The following DYM variants were observed in gnomAD, a reference collection of about 807,000 sequenced individuals.
The protein encoded by DYM is dymeclin, also known as dyggve-Melchior-Clausen syndrome protein.
In DYM, 78 loss-of-function variants were observed where a neutral mutation model predicts 93.1. The observed-to-expected ratio is 0.84, with a 90% CI of 0.70 to 1.01. The LOEUF (loss-of-function observed/expected upper bound fraction) is 1.01, where lower values mean the gene tolerates loss of function less well. Among genes scored for constraint, DYM ranks in the 50% least tolerant of loss-of-function variants. DYM has a pLI of 0.00. For missense variants in DYM, 789 were observed against 845.0 expected, an observed-to-expected ratio of 0.93 and a Z score of 0.82; for synonymous variants, 321 against 319.7, an observed-to-expected ratio of 1.00 and a Z score of -0.04.
At chr18:49,097,841 C>T (rs1269720482) in intron 16 of DYM, among the ~76,000 whole-genome samples, 3 of 150,536 alleles carry the variant, frequency 2.0e-5, no homozygotes, top group Non-Finnish European at 3.0e-5. Context: ...AAAGCTAAAC[C>T]CTAAAGCCTA....
chr18:49,350,267 A>C (rs1189182136), intron 6 of DYM, among the ~76,000 whole-genome samples: 1 of 152,220 alleles, frequency 6.6e-6, no homozygotes, highest in Admixed American at 6.5e-5. Context: ...TTCATAAGAT[A>C]CTGATTAAAT....
intron 2 of DYM, among the ~76,000 whole-genome samples, chr18:49,394,921 T>C (rs2069855540): frequency 6.6e-6 from 1 of 152,190 alleles, no homozygotes; most frequent in Non-Finnish European, 1.5e-5. Flanking sequence ...CAAATGGTAC[T>C]GTGTAAACTG....
At chr18:49,056,662 C>T (rs2075509518) in intron 17 of DYM, among the ~76,000 whole-genome samples, 2 of 151,998 alleles carry the variant, frequency 1.3e-5, no homozygotes, top group African/African-American at 2.4e-5. Flanking sequence ...TTTAGACTCC[C>T]TAGTAGCAGG....
intron 1 of DYM, among the ~76,000 whole-genome samples, chr18:49,455,868 G>C (rs2082937589): frequency 6.6e-6 from 1 of 151,714 alleles, no homozygotes; most frequent in Non-Finnish European, 1.5e-5. Flanking sequence ...AGAATCACTT[G>C]AACCTGGGAG....
chr18:49,043,513 CCT>C lies in DYM; in HGVS notation c.*540_*541del, dbSNP rs2071083948. On this transcript the variant is annotated 3_prime_UTR_variant, in exon 18 of 18. Coordinates refer to ENST00000675505, the MANE Select transcript of DYM (RefSeq NM_001353214.3). ...GCATGGTGTTTATGAAATTGTGTGCCCTCTGACAGGCAACCAAACACACACGA... is the reference window on the plus strand; with the variant it reads ...GCATGGTGTTTATGAAATTGTGTGCCCTGACAGGCAACCAAACACACACGA... 6.5e-6 allele frequency: 1 copy of C among 154,046 alleles called. No homozygotes were observed. The highest frequency in any genetic ancestry group is 2.4e-5 in the African/African-American group (1 of 41,398). 9.5% of individuals were successfully genotyped at this position (154,046 alleles called of 1,614,324 possible). A position where few individuals can be genotyped will look rare whatever the true frequency, so the allele number is the denominator to read the frequency against.
At chr18:49,406,965 T>C (rs949372317) in intron 2 of DYM, among the ~76,000 whole-genome samples, 23 of 152,222 alleles carry the variant, frequency 1.5e-4, no homozygotes, top group Non-Finnish European at 2.4e-4. Context: ...TGAGTGACTG[T>C]CTAAACAAAC....
At chr18:49,338,517 A>G (rs1315024686) in intron 6 of DYM, among the ~76,000 whole-genome samples, 1 of 152,236 alleles carries the variant, frequency 6.6e-6, no homozygotes, top group East Asian at 1.9e-4. Context: ...AAGCCACTCT[A>G]TACAGCTGTA....
Position 49,420,842 on chromosome 18 carries a change from A to C in DYM, c.140+9413T>G, listed in dbSNP as rs117891812. Reference sequence around the variant, plus strand: ...ACTGCCCTTTTCCAACAATCTTAGCAAACGGCACATCAGGAGATTATATCC... The same window carrying C: ...ACTGCCCTTTTCCAACAATCTTAGCCAACGGCACATCAGGAGATTATATCC... On this transcript the variant is annotated intron_variant, in intron 2 of 17. Transcript: ENST00000675505. Among the ~76,000 whole-genome samples, 615 of 152,224 alleles carry C rather than the reference A, an allele frequency of 4.0e-3. 38 individuals carry two copies. The East Asian group carries it at 0.1, about 25-fold the overall frequency.
chr18:49,318,599 T>A (rs1008482477), intron 8 of DYM, among the ~76,000 whole-genome samples: 12 of 150,634 alleles, frequency 8.0e-5, no homozygotes, highest in Non-Finnish European at 1.5e-4. Context: ...TCCAGCCTGG[T>A]GACACAGCAA....
chr18:49,064,645 C>A (rs2076248401), intron 17 of DYM, among the ~76,000 whole-genome samples: 1 of 152,090 alleles, frequency 6.6e-6, no homozygotes, highest in African/African-American at 2.4e-5. Context: ...AGCCTTTGCA[C>A]TTATATGTGG....
intron 16 of DYM, among the ~76,000 whole-genome samples, chr18:49,104,983 A>G (rs373891554): frequency 6.6e-6 from 1 of 152,146 alleles, no homozygotes; most frequent in African/African-American, 2.4e-5. Flanking sequence ...CAGAAGGAAT[A>G]GTACCAGCTC....
chr18:49,453,458 C>A (rs2082705804), intron 1 of DYM, among the ~76,000 whole-genome samples: 1 of 152,196 alleles, frequency 6.6e-6, no homozygotes, highest in Non-Finnish European at 1.5e-5. Context: ...CGAAGGTCTG[C>A]AGCTTCACTC....
intron 5 of DYM, among the ~76,000 whole-genome samples, chr18:49,370,300 C>G (rs28421528): frequency 3.7e-5 from 5 of 133,952 alleles, no homozygotes; most frequent in Admixed American, 2.9e-4. Context: ...AAAAAAAAAA[C>G]AAAACAGGAC....
At chr18:49,312,249 G>C (rs1054114205) in intron 8 of DYM, among the ~76,000 whole-genome samples, 4 of 152,182 alleles carry the variant, frequency 2.6e-5, no homozygotes, top group Admixed American at 2.6e-4. Flanking sequence ...TCACCTCTAA[G>C]CCAAAGAGAG....
intron 15 of DYM, among the ~76,000 whole-genome samples, chr18:49,154,433 C>T (rs1314503347): frequency 2.0e-5 from 3 of 151,904 alleles, no homozygotes; most frequent in East Asian, 1.9e-4. Flanking sequence ...TCGCTTTTGT[C>T]GCCCAGATTG....
rs141476155 is a variant in DYM at position 49,326,660 on chromosome 18, C to A, written c.763+5204G>T. Among the ~76,000 whole-genome samples, 492 of 152,186 alleles carry A rather than the reference C, an allele frequency of 3.2e-3. 7 individuals are homozygous for A. The highest frequency in any genetic ancestry group is 0.011 in the African/African-American group (464 of 41,528). ...ACAGAAGGAAGAGAGGTGGATCCTG[C>A]CTCATGGGGCTTTTAGTGTAAGATA... On this transcript the variant is annotated intron_variant, in intron 8 of 17. Coordinates refer to ENST00000675505, the MANE Select transcript of DYM (RefSeq NM_001353214.3).
At chr18:49,080,498 T>C (rs2077818637) in intron 17 of DYM, among the ~76,000 whole-genome samples, 1 of 131,056 alleles carries the variant, frequency 7.6e-6, no homozygotes. Flanking sequence ...ACGGGGCGGC[T>C]GGCCGGGCAG....
chr18:49,063,849 G>A (rs1349333141), intron 17 of DYM, among the ~76,000 whole-genome samples: 1 of 151,994 alleles, frequency 6.6e-6, no homozygotes, highest in African/African-American at 2.4e-5. Flanking sequence ...GGCTGGTCTT[G>A]AACGCCTGGC....
intron 15 of DYM, among the ~76,000 whole-genome samples, chr18:49,137,267 C>T (rs987188687): frequency 2.6e-5 from 4 of 152,210 alleles, no homozygotes; most frequent in Non-Finnish European, 4.4e-5. Context: ...AGGCCTCACA[C>T]TTGGCAAGTA....
Sources: gnomAD v4.1 joint callset for allele counts (sites outside exome capture counted in the v4.1 genomes callset) on GRCh38, gnomAD v4.1.1 for gene constraint, MANE v1.5 for transcripts, NCBI Gene and HGNC (gene_info 2026-07-23, HGNC 2026-07-21) for gene names.